STAT4: variants seen among roughly 807,000 people sequenced by gnomAD.
STAT4 encodes signal transducer and activator of transcription 4.
In STAT4, 42 loss-of-function variants were observed where a neutral mutation model predicts 110.5. The observed-to-expected ratio is 0.38, with a 90% CI of 0.30 to 0.49. STAT4 has a LOEUF of 0.49. Among genes scored for constraint, STAT4 ranks in the 20% least tolerant of loss-of-function variants. The probability of loss-of-function intolerance (pLI) is 0.95; values close to 1 mark genes in which losing one functional copy is unlikely to be tolerated. For missense variants in STAT4, 632 were observed against 887.9 expected (o/e 0.71, Z 3.66); for synonymous variants, 284 against 302.2 (o/e 0.94, Z 0.63).
intron 3 of STAT4, among the ~76,000 whole-genome samples, chr2:191,120,956 A>G (rs1698708395): frequency 2.6e-5 from 4 of 152,212 alleles, no homozygotes; most frequent in Admixed American, 2.0e-4. Flanking sequence ...CTGCACAGCA[A>G]AAGAAACTAC....
In STAT4 at chr2:191,133,325, C is replaced by T. The variant is rs557824846; in HGVS notation, c.273+13288G>A. On this transcript the variant is annotated intron_variant, in intron 3 of 23. Coordinates refer to ENST00000392320, the MANE Select transcript of STAT4 (RefSeq NM_003151.4). ...ACTGGGGATATAGAAGTAAACCAAA[C>T]AAAATCCCTCCCTTTATGAAGATGG... 1.1e-3 allele frequency among the ~76,000 whole-genome samples: 165 copies of T among 151,528 alleles called. 3 individuals carry two copies. The highest frequency in any genetic ancestry group is 3.4e-3 in the Middle Eastern group (1 of 294).
At chr2:191,095,677 G>A (rs1697949409) in intron 3 of STAT4, among the ~76,000 whole-genome samples, 1 of 152,080 alleles carries the variant, frequency 6.6e-6, no homozygotes. Context: ...ATCTAAAATC[G>A]ATACCCTAAC....
rs1038326945 is a variant in STAT4 at position 191,029,924 on chromosome 2, T to A, written c.2221-58A>T. 2 of 1,359,622 alleles carry A rather than the reference T, an allele frequency of 1.5e-6. No individual in the cohort carries two copies. Among genetic ancestry groups the A allele is most frequent in the African/African-American group, 2.9e-5 (2 of 68,716 alleles). The allele number at this position is 1,359,622 out of a possible 1,614,324, so 84.2% of individuals were successfully genotyped here. A position where few individuals can be genotyped will look rare whatever the true frequency, so the allele number is the denominator to read the frequency against. ...AACTACTGGTTTTCAAATCAATCAC[T>A]ATTTCTTGGGCAAATAAACGTCCTC... On this transcript the variant is annotated intron_variant, in intron 23 of 23. Coordinates refer to ENST00000392320, the MANE Select transcript of STAT4 (RefSeq NM_003151.4). This position sits in a 1 kb window ranked among gnomAD's most constrained non-coding sequence, Gnocchi z 4.5.
intron 5 of STAT4, among the ~76,000 whole-genome samples, chr2:191,072,371 C>G (rs1261636237): frequency 2.0e-5 from 3 of 152,174 alleles, no homozygotes; most frequent in Admixed American, 2.0e-4. Flanking sequence ...TGTCCTAGGT[C>G]TGTCTGATTC....
chr2:191,036,570 C>A (rs1008778330), intron 16 of STAT4, among the ~76,000 whole-genome samples: 1 of 152,202 alleles, frequency 6.6e-6, no homozygotes, highest in African/African-American at 2.4e-5. Flanking sequence ...AGTAACAAGA[C>A]TTCTGAAGAA....
intron 14 of STAT4, 95 bp from the exon 15 acceptor site, chr2:191,041,243 A>AATAT: frequency 1.9e-6 from 1 of 523,968 alleles, no homozygotes; most frequent in Non-Finnish European, 2.8e-6. Context: ...TTTATTAATA[A>AATAT]ATTAATAAAG....
At chr2:191,129,020 C>T (rs1359869778) in intron 3 of STAT4, among the ~76,000 whole-genome samples, 2 of 152,122 alleles carry the variant, frequency 1.3e-5, no homozygotes, top group East Asian at 3.8e-4. Context: ...ATTTTTTCGA[C>T]TGTGAGCTTC....
At chr2:191,096,187 G>A (rs1341947659) in intron 3 of STAT4, among the ~76,000 whole-genome samples, 3 of 152,058 alleles carry the variant, frequency 2.0e-5, no homozygotes, top group Non-Finnish European at 4.4e-5. Flanking sequence ...TTCTACCAGA[G>A]GTACAAAGAG....
chr2:191,033,381 G>A lies in STAT4; in HGVS notation c.1852+109C>T. On this transcript the variant is annotated intron_variant, in intron 20 of 23. Transcript: ENST00000392320. This position sits in a 1 kb window ranked among gnomAD's most constrained non-coding sequence, Gnocchi z 6.9. ...GCAACTACTAATATTCAAGCCCACT[G>A]AATACATCACAGACAGATCAACACA... The A allele has an allele frequency of 7.5e-7, 1 of 1,339,838 alleles. No homozygotes were observed. Among genetic ancestry groups the A allele is most frequent in the East Asian group, 2.5e-5 (1 of 40,392 alleles). The allele number at this position is 1,339,838 out of a possible 1,614,324, so 83.0% of individuals were successfully genotyped here. A position where few individuals can be genotyped will look rare whatever the true frequency, so the allele number is the denominator to read the frequency against.
Position 191,146,808 on chromosome 2 carries a change from C to A in STAT4, c.129-51G>T. Reference sequence around the variant, plus strand: ...AACAGAAAACAACTTTGTAAAATGTCTACTTTTTTACCATACTAACTTTAA... The same window carrying A: ...AACAGAAAACAACTTTGTAAAATGTATACTTTTTTACCATACTAACTTTAA... On this transcript the variant is annotated intron_variant, in intron 2 of 23. Coordinates refer to ENST00000392320, the MANE Select transcript of STAT4 (RefSeq NM_003151.4). This position sits in a 1 kb window ranked among gnomAD's most constrained non-coding sequence, Gnocchi z 4.5. 1 of 1,422,170 alleles carries A rather than the reference C, an allele frequency of 7.0e-7. No homozygotes were observed. The highest frequency in any genetic ancestry group is 1.7e-5 in the South Asian group (1 of 58,734). 88.1% of individuals were successfully genotyped at this position (1,422,170 alleles called of 1,614,324 possible). A position where few individuals can be genotyped will look rare whatever the true frequency, so the allele number is the denominator to read the frequency against.
intron 4 of STAT4, chr2:191,075,987 C>G: frequency 2.3e-6 from 1 of 435,350 alleles, no homozygotes; most frequent in Non-Finnish European, 4.2e-6. Context: ...AGAGCTAGGA[C>G]TATAGGCATG....
Position 191,147,577 on chromosome 2 carries a change from T to A in STAT4, c.128+499A>T, listed in dbSNP as rs556769035. Among the ~76,000 whole-genome samples, 1 of 152,234 alleles carries A rather than the reference T, an allele frequency of 6.6e-6. No individual in the cohort carries two copies. The highest frequency in any genetic ancestry group is 2.1e-4 in the South Asian group (1 of 4,822). On this transcript the variant is annotated intron_variant, in intron 2 of 23. Coordinates refer to ENST00000392320, the MANE Select transcript of STAT4 (RefSeq NM_003151.4). The surrounding 1 kb of genome is among the most constrained non-coding windows in gnomAD (Gnocchi z 4.1). Reference sequence around the variant, plus strand: ...TGGAAAGATGAAAAAGTTCTGCAGATGGATGGTGGTGATGGTTGCATAATA... The same window carrying A: ...TGGAAAGATGAAAAAGTTCTGCAGAAGGATGGTGGTGATGGTTGCATAATA...
chr2:191,120,027 G>A (rs372670041), intron 3 of STAT4, among the ~76,000 whole-genome samples: 3 of 152,222 alleles, frequency 2.0e-5, no homozygotes, highest in East Asian at 1.9e-4. Flanking sequence ...CCCCTATCTC[G>A]TTCCAGATAT....
rs3024883 is a variant in STAT4 at position 191,036,041 on chromosome 2, AGTAG to A, written c.1570+119_1570+122del. The A allele has an allele frequency of 4.6e-5, 54 of 1,186,114 alleles. No individual in the cohort carries two copies. The African/African-American group carries it at 6.8e-4, about 15-fold the overall frequency. The allele number at this position is 1,186,114 out of a possible 1,614,324, so 73.5% of individuals were successfully genotyped here. On this transcript the variant is annotated intron_variant, in intron 17 of 23. Transcript: ENST00000392320. The stretch of plus-strand genomic sequence containing the variant: ...CACTTAGTTCTGTGCCTGGCAATAT[AGTAG>A]GCATTGAATAAATTATGATTATCAT...
chr2:191,054,955 A>G (rs1205890310), intron 13 of STAT4, among the ~76,000 whole-genome samples: 1 of 152,226 alleles, frequency 6.6e-6, no homozygotes, highest in African/African-American at 2.4e-5. Flanking sequence ...ACCATATAGC[A>G]TAGTAAGCTA....
intron 6 of STAT4, among the ~76,000 whole-genome samples, chr2:191,068,811 T>C (rs1697066156): frequency 6.6e-6 from 1 of 152,126 alleles, no homozygotes; most frequent in South Asian, 2.1e-4. Context: ...TAGAATCTTG[T>C]CAATTGTCCC....
At chr2:191,126,973 C>T (rs1698897853) in intron 3 of STAT4, among the ~76,000 whole-genome samples, 1 of 152,090 alleles carries the variant, frequency 6.6e-6, no homozygotes, top group South Asian at 2.1e-4. Flanking sequence ...GCACACACCA[C>T]CATGCCCAGC....
At chr2:191,054,642 G>T in intron 13 of STAT4, 108 bp from the exon 14 acceptor site, 1 of 888,412 alleles carries the variant, frequency 1.1e-6, no homozygotes, top group Non-Finnish European at 1.8e-6. Context: ...TTGACTTCTA[G>T]AACAGCAACA....
At chr2:191,075,059 C>T (rs963242076) in intron 4 of STAT4, among the ~76,000 whole-genome samples, 1 of 151,996 alleles carries the variant, frequency 6.6e-6, no homozygotes, top group Non-Finnish European at 1.5e-5. Flanking sequence ...ACTTGGGAGG[C>T]TGAGGCAGGA....
Sources: allele counts gnomAD v4.1 joint callset (sites outside exome capture counted in the v4.1 genomes callset), GRCh38; gene constraint gnomAD v4.1.1; non-coding constraint Gnocchi (gnomAD v3.1); transcripts MANE v1.5; gene names NCBI Gene and HGNC (gene_info 2026-07-23, HGNC 2026-07-21).